KANK1: variants seen among roughly 807,000 people sequenced by gnomAD.
The protein encoded by KANK1 is KN motif and ankyrin repeat domains 1, also known as KN motif and ankyrin repeat domain-containing protein 1.
In KANK1, 109 loss-of-function variants were observed where a neutral mutation model predicts 106.2. That is an observed-to-expected ratio of 1.03 (90% CI 0.88 to 1.20). The LOEUF (loss-of-function observed/expected upper bound fraction) is 1.20. Ranked by LOEUF, KANK1 falls within the 50% of genes most tolerant of loss-of-function variation. The pLI, the probability that KANK1 is intolerant of heterozygous loss-of-function variation, is 0.00. For missense variants in KANK1, 2,399 were observed against 1,710.7 expected, an observed-to-expected ratio of 1.40 and a Z score of -7.10; for synonymous variants, 873 against 652.2, an observed-to-expected ratio of 1.34 and a Z score of -5.16.
chr9:676,521 T>G (rs991254937), intron 1 of KANK1, among the ~76,000 whole-genome samples: 2 of 152,238 alleles, frequency 1.3e-5, no homozygotes, highest in African/African-American at 4.8e-5. Context: ...ATGAACTTTT[T>G]GAACCAGAAT....
In KANK1 at chr9:548,914, A is replaced by G. The variant is rs1397925502; in HGVS notation, c.-84+44160A>G. Among the ~76,000 whole-genome samples, 6 of 152,118 alleles carry G rather than the reference A, an allele frequency of 3.9e-5. No individual in the cohort carries two copies. The East Asian group carries it at 9.6e-4, about 24-fold the overall frequency. Reference sequence around the variant, plus strand: ...GGCAGCATAGTAACACCCTATCTTTATTTTTAAAAAATAAAATAAGAGAGG... The same window carrying G: ...GGCAGCATAGTAACACCCTATCTTTGTTTTTAAAAAATAAAATAAGAGAGG... On this transcript the variant is annotated intron_variant, in intron 1 of 11. Coordinates refer to ENST00000382297, the MANE Select transcript of KANK1 (RefSeq NM_015158.5).
chr9:678,651 G>C (rs1387993872), intron 2 of KANK1, among the ~76,000 whole-genome samples: 1 of 152,124 alleles, frequency 6.6e-6, no homozygotes, highest in African/African-American at 2.4e-5. Context: ...GCTGGAACCT[G>C]GGAGGCAGAG....
chr9:645,140 A>AAAAAG (rs1554664572), intron 1 of KANK1, among the ~76,000 whole-genome samples: 2 of 147,662 alleles, frequency 1.4e-5, no homozygotes, highest in African/African-American at 5.2e-5. Context: ...AAAAAAAAAA[A>AAAAAG]AAAAAAGAAT....
chr9:472,856 G>C (rs2058044445), intron 2 of KANK1, among the ~76,000 whole-genome samples: 1 of 152,152 alleles, frequency 6.6e-6, no homozygotes, highest in African/African-American at 2.4e-5. Flanking sequence ...TGCTATCTTG[G>C]ATTTCTGGCC....
chr9:679,234 A>G (rs16924629), intron 2 of KANK1, among the ~76,000 whole-genome samples: 1,980 of 152,132 alleles, frequency 0.013, 47 homozygotes, highest in African/African-American at 0.046. Context: ...AGTCACCATG[A>G]CCCATGTACA....
chr9:488,792 A>G (rs916637065), intron 3 of KANK1, among the ~76,000 whole-genome samples: 1 of 152,188 alleles, frequency 6.6e-6, no homozygotes, highest in African/African-American at 2.4e-5. Context: ...TTATTATTCT[A>G]AGAATAGCAT....
intron 1 of KANK1, among the ~76,000 whole-genome samples, chr9:529,799 A>G (rs2059977127): frequency 6.6e-6 from 1 of 152,238 alleles, no homozygotes; most frequent in African/African-American, 2.4e-5. Flanking sequence ...TGTGTGATGA[A>G]TATGGAATTA....
At chr9:543,534 G>A (rs1219542955) in intron 1 of KANK1, among the ~76,000 whole-genome samples, 2 of 147,656 alleles carry the variant, frequency 1.4e-5, no homozygotes, top group Non-Finnish European at 3.0e-5. Flanking sequence ...ACTCCAGCCT[G>A]GGCAACAAGA....
intron 1 of KANK1, among the ~76,000 whole-genome samples, chr9:618,572 A>G (rs772695941): frequency 5.3e-5 from 8 of 151,980 alleles, no homozygotes; most frequent in Non-Finnish European, 8.8e-5. Context: ...TATCGGAACA[A>G]TTTTTTTTAA....
chr9:722,414 C>A (rs1829588958), intron 3 of KANK1, among the ~76,000 whole-genome samples: 1 of 152,110 alleles, frequency 6.6e-6, no homozygotes. Context: ...TTTTTAAAGT[C>A]TCACCCTCGA....
At chr9:612,802 A>T (rs951392839) in intron 1 of KANK1, among the ~76,000 whole-genome samples, 3 of 152,068 alleles carry the variant, frequency 2.0e-5, no homozygotes, top group African/African-American at 7.2e-5. Flanking sequence ...ACTCTTTCGA[A>T]CCCCAGTTTA....
At chr9:618,412 C>T (rs1008667591) in intron 1 of KANK1, among the ~76,000 whole-genome samples, 4 of 152,128 alleles carry the variant, frequency 2.6e-5, no homozygotes, top group East Asian at 3.9e-4. Context: ...TTCACCATAT[C>T]GGCCAGGCTG....
At chr9:737,637 G>A (rs6477179) in intron 7 of KANK1, among the ~76,000 whole-genome samples, 47 of 152,022 alleles carry the variant, frequency 3.1e-4, no homozygotes, top group African/African-American at 8.4e-4. Context: ...TCCAGACGGG[G>A]TTCCCTTTTA....
chr9:553,060 C>T lies in KANK1; in HGVS notation c.-84+48306C>T, dbSNP rs141269681. ...ACTTGGGAGGCTGAGGTGGCAGGAT[C>T]GCTTGAGCCTAGGAGGTTGAGGCTG... On this transcript the variant is annotated intron_variant, in intron 1 of 11. Transcript: ENST00000382297. 2.6e-3 allele frequency among the ~76,000 whole-genome samples: 399 copies of T among 152,208 alleles called. 2 individuals are homozygous for T. The highest frequency in any genetic ancestry group is 9.3e-3 in the African/African-American group (387 of 41,536).
intron 1 of KANK1, among the ~76,000 whole-genome samples, chr9:664,687 TACTC>T (rs1375477089): frequency 3.9e-5 from 6 of 152,338 alleles, no homozygotes; most frequent in East Asian, 1.9e-4. Context: ...TTTAGAGAAA[TACTC>T]AGTAGTGGAA....
intron 1 of KANK1, among the ~76,000 whole-genome samples, chr9:609,565 G>A (rs1209324282): frequency 6.6e-6 from 1 of 152,128 alleles, no homozygotes; most frequent in African/African-American, 2.4e-5. Flanking sequence ...AGGAGGTGGA[G>A]GTTGCAATGA....
exon 3 of KANK1, chr9:473,248 G>A (rs1247116307): frequency 6.6e-6 from 1 of 152,202 alleles, no homozygotes; most frequent in Non-Finnish European, 1.5e-5. Flanking sequence ...TCCTCACTCA[G>A]TAAATAGCAG....
rs193056624 is a variant in KANK1, at chr9:643,947, C to G, written c.-83-32943C>G. Among the ~76,000 whole-genome samples, 646 of 151,054 alleles carry G rather than the reference C, an allele frequency of 4.3e-3. 44 individuals carry two copies. The highest frequency in any genetic ancestry group is 0.015 in the African/African-American group (608 of 40,366). On this transcript the variant is annotated intron_variant, in intron 1 of 11. Transcript: ENST00000382297. ...CGAACTCCTGACTTCAGTTGAGGCA[C>G]CCGCCTTGGCCTCCCAAAGTGCTGG... is the stretch of plus-strand genomic sequence containing the variant.
At chr9:514,573 T>A (rs759740050) in intron 1 of KANK1, among the ~76,000 whole-genome samples, 2 of 151,436 alleles carry the variant, frequency 1.3e-5, no homozygotes, top group African/African-American at 2.5e-5. Flanking sequence ...ATGTACTCTT[T>A]CGTGTCTAGC....
Sources: allele counts gnomAD v4.1 joint callset (sites outside exome capture counted in the v4.1 genomes callset), GRCh38; gene constraint gnomAD v4.1.1; transcripts MANE v1.5; gene names NCBI Gene and HGNC (gene_info 2026-07-23, HGNC 2026-07-21).